The following EXT1 variants were observed in gnomAD, a reference collection of about 807,000 sequenced individuals.
EXT1 encodes the protein exostosin glycosyltransferase 1.
EXT1 carries 20 observed loss-of-function variants against 82.5 expected under a neutral mutation model. That is an observed-to-expected ratio of 0.24 (90% CI 0.17 to 0.35). EXT1 has a LOEUF of 0.35. Among genes scored for constraint, EXT1 ranks in the 10% least tolerant of loss-of-function variants. The probability of loss-of-function intolerance (pLI) is 1.00; values close to 1 mark genes in which losing one functional copy is unlikely to be tolerated. For missense variants in EXT1, 757 were observed against 936.5 expected, an observed-to-expected ratio of 0.81 and a Z score of 2.50; for synonymous variants, 348 against 350.8, an observed-to-expected ratio of 0.99 and a Z score of 0.09.
chr8:118,101,338 G>A (rs1403502092), intron 1 of EXT1, among the ~76,000 whole-genome samples: 1 of 152,198 alleles, frequency 6.6e-6, no homozygotes, highest in African/African-American at 2.4e-5. Context: ...TACACAAAAA[G>A]AGGCTGTGTA....
chr8:117,794,978 C>A lies in EXT1; in HGVS notation c.*4734G>T, dbSNP rs1163046904. 2 of 152,126 alleles carry A rather than the reference C, an allele frequency of 1.3e-5. No individual in the cohort carries two copies. The highest frequency in any genetic ancestry group is 6.5e-5 in the Admixed American group (1 of 15,272). 9.4% of individuals were successfully genotyped at this position (152,126 alleles called of 1,614,324 possible). ...CATGGTAACCAGGTCATTTGCATAG[C>A]CCTAGTTTTAGTAATAGTTACAACC... is the stretch of plus-strand genomic sequence containing the variant. On this transcript the variant is annotated 3_prime_UTR_variant, in exon 11 of 11. Coordinates refer to ENST00000378204, the MANE Select transcript of EXT1 (RefSeq NM_000127.3).
intron 1 of EXT1, among the ~76,000 whole-genome samples, chr8:117,957,577 G>A (rs377307488): frequency 1.3e-5 from 2 of 152,176 alleles, no homozygotes; most frequent in East Asian, 1.9e-4. Flanking sequence ...CTGGACCTCC[G>A]TTTCCTCACA....
At chr8:117,977,100 T>A (rs551543596) in intron 1 of EXT1, among the ~76,000 whole-genome samples, 1 of 152,178 alleles carries the variant, frequency 6.6e-6, no homozygotes, top group South Asian at 2.1e-4. Flanking sequence ...GATGACCATA[T>A]ATCTGGCCGG....
chr8:118,106,842 G>A (rs922430710), intron 1 of EXT1, among the ~76,000 whole-genome samples: 1 of 152,054 alleles, frequency 6.6e-6, no homozygotes, highest in Non-Finnish European at 1.5e-5. Context: ...TGTTTTAGCT[G>A]GCATTATCCA....
At chr8:117,818,067 G>C (rs918027803) in intron 7 of EXT1, among the ~76,000 whole-genome samples, 1 of 152,170 alleles carries the variant, frequency 6.6e-6, no homozygotes, top group African/African-American at 2.4e-5. Flanking sequence ...ACCACCATCA[G>C]CTTTATCTTC....
chr8:117,972,039 A>C (rs1205718242), intron 1 of EXT1, among the ~76,000 whole-genome samples: 2 of 151,938 alleles, frequency 1.3e-5, no homozygotes, highest in Non-Finnish European at 2.9e-5. Flanking sequence ...AATCCCAGCT[A>C]CTCAGGAGGC....
intron 1 of EXT1, among the ~76,000 whole-genome samples, chr8:117,882,082 T>C (rs1223188223): frequency 1.3e-5 from 2 of 152,180 alleles, no homozygotes; most frequent in Admixed American, 1.3e-4. Context: ...TATTGTTGTT[T>C]AATTTAATTT....
intron 1 of EXT1, among the ~76,000 whole-genome samples, chr8:117,917,573 G>A (rs1003879892): frequency 1.3e-5 from 2 of 152,144 alleles, no homozygotes; most frequent in African/African-American, 4.8e-5. Context: ...CATTTTTGAG[G>A]TGCAATATTC....
intron 1 of EXT1, among the ~76,000 whole-genome samples, chr8:117,977,410 C>T (rs1172430163): frequency 1.6e-5 from 2 of 125,496 alleles, no homozygotes; most frequent in African/African-American, 3.0e-5. Context: ...AAAAAAAAGA[C>T]CATATATCCA....
chr8:118,098,616 G>A (rs538887849), intron 1 of EXT1, among the ~76,000 whole-genome samples: 2 of 152,028 alleles, frequency 1.3e-5, no homozygotes, highest in Admixed American at 6.5e-5. Context: ...AAAATTAGTC[G>A]GGCATGGTGG....
In EXT1 at chr8:118,057,886, C is replaced by T. The variant is rs1816820354; in HGVS notation, c.962+52199G>A. 4.0e-5 allele frequency among the ~76,000 whole-genome samples: 6 copies of T among 150,294 alleles called. No individual in the cohort carries two copies. The South Asian group carries it at 1.1e-3, about 26-fold the overall frequency. The stretch of plus-strand genomic sequence containing the variant: ...TACGTGGGAGGCTGAGGAGGAGAAT[C>T]GCTTGAACCCAGGAGGCAGAGGTTG... On this transcript the variant is annotated intron_variant, in intron 1 of 10. Coordinates refer to ENST00000378204, the MANE Select transcript of EXT1 (RefSeq NM_000127.3).
chr8:117,852,711 A>G (rs928680053), intron 1 of EXT1, among the ~76,000 whole-genome samples: 2 of 152,198 alleles, frequency 1.3e-5, no homozygotes, highest in Non-Finnish European at 2.9e-5. Context: ...CAAATACTGC[A>G]GGAGACAATG....
chr8:117,980,893 C>A (rs1815184756), intron 1 of EXT1, among the ~76,000 whole-genome samples: 1 of 152,036 alleles, frequency 6.6e-6, no homozygotes, highest in Non-Finnish European at 1.5e-5. Context: ...GAGGGCACCC[C>A]CATGCAGCGT....
chr8:117,984,893 G>C (rs1009724811), intron 1 of EXT1, among the ~76,000 whole-genome samples: 2 of 152,108 alleles, frequency 1.3e-5, no homozygotes, highest in African/African-American at 4.8e-5. Flanking sequence ...TCAACAACCC[G>C]AAAAGCTTGG....
chr8:118,088,395 A>C (rs1015818357), intron 1 of EXT1, among the ~76,000 whole-genome samples: 2 of 152,140 alleles, frequency 1.3e-5, no homozygotes, highest in Non-Finnish European at 2.9e-5. Flanking sequence ...TACATCAAAA[A>C]ATGCAACGAG....
At chr8:117,930,509 C>CA (rs1414899072) in intron 1 of EXT1, among the ~76,000 whole-genome samples, 5 of 152,072 alleles carry the variant, frequency 3.3e-5, no homozygotes, top group African/African-American at 7.2e-5. Context: ...CCCCCATCCC[C>CA]AAAAAAACCT....
chr8:118,037,264 G>A (rs774568929), intron 1 of EXT1, among the ~76,000 whole-genome samples: 8 of 152,150 alleles, frequency 5.3e-5, no homozygotes, highest in African/African-American at 1.2e-4. Context: ...ATGTCAAGGC[G>A]TGGGAGGGGG....
At chr8:118,046,431 C>T (rs1209855657) in intron 1 of EXT1, among the ~76,000 whole-genome samples, 1 of 152,076 alleles carries the variant, frequency 6.6e-6, no homozygotes, top group African/African-American at 2.4e-5. Flanking sequence ...TCATGTCTCT[C>T]ATCAAAAAAT....
intron 1 of EXT1, among the ~76,000 whole-genome samples, chr8:117,983,475 T>C (rs1031153070): frequency 1.3e-5 from 2 of 152,090 alleles, no homozygotes; most frequent in Admixed American, 6.6e-5. Flanking sequence ...CAGACAGATA[T>C]CTTTTCTTAA....
Sources: gnomAD v4.1 joint callset for allele counts (sites outside exome capture counted in the v4.1 genomes callset) on GRCh38, gnomAD v4.1.1 for gene constraint, MANE v1.5 for transcripts, NCBI Gene and HGNC (gene_info 2026-07-23, HGNC 2026-07-21) for gene names.